The following CLDN10 variants were observed in gnomAD, a reference collection of about 807,000 sequenced individuals.
CLDN10 encodes claudin 10.
In CLDN10, 15 loss-of-function variants were observed where a neutral mutation model predicts 22.9. The ratio of observed to expected loss-of-function variants is 0.65; its 90% CI spans 0.44 to 1.01. CLDN10 has a LOEUF of 1.01. CLDN10 is among the 50% of genes least tolerant of loss of function. CLDN10 has a pLI of 0.00. For synonymous variants in CLDN10, 114 were observed against 111.4 expected (o/e 1.02, Z -0.15); for missense variants, 247 against 287.8 (o/e 0.86, Z 1.03).
At chr13:95,573,312 A>C (rs1249607761) in intron 3 of CLDN10, among the ~76,000 whole-genome samples, 3 of 152,222 alleles carry the variant, frequency 2.0e-5, no homozygotes, top group African/African-American at 7.2e-5. Flanking sequence ...CCATAAATGA[A>C]GTTCTGTCCT....
Position 95,578,665 on chromosome 13 carries a change from A to G in CLDN10, c.*651A>G, listed in dbSNP as rs961044787. 1 of 152,242 alleles carries G rather than the reference A, an allele frequency of 6.6e-6. No individual in the cohort carries two copies. The highest frequency in any genetic ancestry group is 1.5e-5 in the Non-Finnish European group (1 of 68,064). 9.4% of individuals were successfully genotyped at this position (152,242 alleles called of 1,614,324 possible). On this transcript the variant is annotated 3_prime_UTR_variant, in exon 5 of 5. Coordinates refer to ENST00000299339, the MANE Select transcript of CLDN10 (RefSeq NM_006984.5). ...ACTCAGTAGATTGTTGAAAAAGCAA[A>G]GCCACACCATTCTCTTTGATGTATG...
intron 1 of CLDN10, among the ~76,000 whole-genome samples, chr13:95,535,570 G>A (rs955405637): frequency 5.3e-5 from 8 of 151,608 alleles, no homozygotes; most frequent in Non-Finnish European, 1.0e-4. Flanking sequence ...AGGGAGCTGC[G>A]GGGGAGGTGG....
At chr13:95,558,704 T>A (rs1292680976) in intron 1 of CLDN10, among the ~76,000 whole-genome samples, 1 of 152,172 alleles carries the variant, frequency 6.6e-6, no homozygotes, top group East Asian at 1.9e-4. Context: ...GGCAAGAGGA[T>A]CGCTTGAGGC....
intron 3 of CLDN10, chr13:95,560,672 T>A (rs745423311): frequency 7.1e-6 from 4 of 559,536 alleles, no homozygotes; most frequent in African/African-American, 1.9e-5. Context: ...CAGTGTCTTG[T>A]CTCGAAACAG....
intron 1 of CLDN10, among the ~76,000 whole-genome samples, chr13:95,461,059 CCGAGA>C (rs2042532193): frequency 6.6e-6 from 1 of 152,078 alleles, no homozygotes; most frequent in Admixed American, 6.6e-5. Flanking sequence ...TTGCAGTGAG[CCGAGA>C]TCAGCTCACT....
intron 3 of CLDN10, among the ~76,000 whole-genome samples, chr13:95,564,618 T>A (rs79083462): frequency 6.6e-6 from 1 of 152,202 alleles, no homozygotes; most frequent in Non-Finnish European, 1.5e-5. Context: ...GTTAATTGGA[T>A]CTTCTTTGTA....
intron 1 of CLDN10, among the ~76,000 whole-genome samples, chr13:95,511,378 C>T (rs1315280540): frequency 6.6e-6 from 1 of 151,764 alleles, no homozygotes; most frequent in Non-Finnish European, 1.5e-5. Context: ...AGTAAACAAA[C>T]ATAGGTTTGA....
intron 1 of CLDN10, among the ~76,000 whole-genome samples, chr13:95,524,605 C>T (rs890769440): frequency 6.6e-6 from 1 of 152,098 alleles, no homozygotes; most frequent in Non-Finnish European, 1.5e-5. Context: ...GTGAATAATA[C>T]TGCTAAGAAC....
intron 1 of CLDN10, among the ~76,000 whole-genome samples, chr13:95,547,076 G>T (rs1308618491): frequency 1.3e-5 from 2 of 149,238 alleles, no homozygotes; most frequent in African/African-American, 4.9e-5. Flanking sequence ...AAGAGATGGG[G>T]ACTCTCCCTA....
At chr13:95,576,309 G>A (rs969530794) in intron 3 of CLDN10, among the ~76,000 whole-genome samples, 1 of 152,072 alleles carries the variant, frequency 6.6e-6, no homozygotes, top group Admixed American at 6.6e-5. Flanking sequence ...CAGACCCTCC[G>A]ACCCTGGCTT....
In CLDN10 at chr13:95,495,756, AAAG is replaced by A. The variant is rs1225649409; in HGVS notation, c.214+61712_214+61714del. ...CAGACTCCACCTCAAAAAAAAAAAA[AAAG>A]AAAAGAAAGAAAGAAAGAAAGAAAT... On this transcript the variant is annotated intron_variant, in intron 1 of 4. Transcript: ENST00000376873. 1.1e-4 allele frequency among the ~76,000 whole-genome samples: 17 copies of A among 150,226 alleles called. 1 individual carries two copies. The highest frequency in any genetic ancestry group is 2.1e-4 in the South Asian group (1 of 4,730).
intron 1 of CLDN10, among the ~76,000 whole-genome samples, chr13:95,492,240 C>T (rs2042879816): frequency 1.3e-5 from 2 of 151,830 alleles, no homozygotes; most frequent in African/African-American, 2.4e-5. Flanking sequence ...AGATTAAATG[C>T]CCTTTGTCTT....
At chr13:95,442,642 G>A (rs2042335487) in intron 1 of CLDN10, among the ~76,000 whole-genome samples, 1 of 152,214 alleles carries the variant, frequency 6.6e-6, no homozygotes, top group Non-Finnish European at 1.5e-5. Flanking sequence ...AGCTCAGGGT[G>A]TGTTTGGTAT....
At chr13:95,520,100 G>C (rs1463103461) in intron 1 of CLDN10, among the ~76,000 whole-genome samples, 1 of 152,156 alleles carries the variant, frequency 6.6e-6, no homozygotes, top group East Asian at 1.9e-4. Context: ...TCTAGTGAGT[G>C]CATTCACACC....
chr13:95,502,465 A>G (rs1264564636), intron 1 of CLDN10, among the ~76,000 whole-genome samples: 1 of 152,158 alleles, frequency 6.6e-6, no homozygotes, highest in Non-Finnish European at 1.5e-5. Flanking sequence ...CAGGACGTTT[A>G]TGGTGAGGAA....
intron 1 of CLDN10, among the ~76,000 whole-genome samples, chr13:95,478,956 G>T (rs375449705): frequency 1.3e-5 from 2 of 152,244 alleles, no homozygotes; most frequent in African/African-American, 4.8e-5. Context: ...CTTCCTGTGC[G>T]TAAGGTTTAA....
At chr13:95,560,717 C>G (rs550013383) in intron 3 of CLDN10, 6 of 464,004 alleles carry the variant, frequency 1.3e-5, no homozygotes, top group Admixed American at 1.1e-4. Context: ...TAAACTTCAT[C>G]GTTTGCTGTA....
chr13:95,576,593 C>G (rs1400124573), intron 3 of CLDN10, among the ~76,000 whole-genome samples: 3 of 152,188 alleles, frequency 2.0e-5, no homozygotes, highest in Non-Finnish European at 2.9e-5. Flanking sequence ...CTCAGTAGCA[C>G]TGTTCATACC....
chr13:95,467,485 A>C (rs1436482920), intron 1 of CLDN10, among the ~76,000 whole-genome samples: 1 of 151,704 alleles, frequency 6.6e-6, no homozygotes, highest in Admixed American at 6.6e-5. Flanking sequence ...TGCCTTTTAA[A>C]TATCTTTTAA....
Sources: gnomAD v4.1 joint callset for allele counts (sites outside exome capture counted in the v4.1 genomes callset) on GRCh38, gnomAD v4.1.1 for gene constraint, MANE v1.5 for transcripts, NCBI Gene and HGNC (gene_info 2026-07-23, HGNC 2026-07-21) for gene names.